Variants in ODF2 observed in about 807,000 individuals in gnomAD.
ODF2 encodes the protein outer dense fiber of sperm tails 2, also known as outer dense fiber protein 2.
Under a neutral mutation model 110.2 loss-of-function variants are expected in ODF2, and 47 were observed. The observed-to-expected ratio is 0.43, with a 90% CI of 0.34 to 0.54. ODF2 has a LOEUF of 0.54. Among genes scored for constraint, ODF2 ranks in the 20% least tolerant of loss-of-function variants. The pLI is 0.03. For synonymous variants in ODF2, 352 were observed against 397.7 expected, an observed-to-expected ratio of 0.89 and a Z score of 1.37; for missense variants, 812 against 1,054.5, an observed-to-expected ratio of 0.77 and a Z score of 3.19.
At chr9:128,495,100 C>CT (rs1845362621) in intron 17 of ODF2, among the ~76,000 whole-genome samples, 1 of 152,258 alleles carries the variant, frequency 6.6e-6, no homozygotes, top group Admixed American at 6.5e-5. Context: ...GCAAGCATCC[C>CT]TTTCTCCCAG....
chr9:128,467,127 A>G (rs532252761), intron 4 of ODF2, among the ~76,000 whole-genome samples: 1 of 142,624 alleles, frequency 7.0e-6, no homozygotes, highest in East Asian at 2.1e-4. Context: ...TCATTGTGCA[A>G]ACATCATGGA....
chr9:128,483,078 T>C (rs912472283), intron 10 of ODF2, among the ~76,000 whole-genome samples, 191 bp downstream of exon 10: 4 of 152,086 alleles, frequency 2.6e-5, no homozygotes, highest in African/African-American at 9.7e-5. Context: ...GTATTTTTAG[T>C]AGAGACGGGG....
chr9:128,456,268 C>T lies in ODF2; in HGVS notation c.-209+13C>T, dbSNP rs993099123. 8 of 1,529,726 alleles carry T rather than the reference C, an allele frequency of 5.2e-6. No individual in the cohort carries two copies. In the African/African-American group the frequency reaches 8.5e-5, roughly 16 times the overall value. The allele number at this position is 1,529,726 out of a possible 1,614,324, so 94.8% of individuals were successfully genotyped here. On this transcript the variant is annotated intron_variant, in intron 1 of 20. Coordinates refer to ENST00000604420, the Ensembl canonical transcript of ODF2. ...CGTGTCGCTCCTGGTGAGAGGCCGC[C>T]GGCAGGCGGGATCCAGCGCCCTCCG... is the stretch of plus-strand genomic sequence containing the variant.
At chr9:128,464,518 GA>G (rs1837347630) in intron 4 of ODF2, among the ~76,000 whole-genome samples, 1 of 151,444 alleles carries the variant, frequency 6.6e-6, no homozygotes, top group Non-Finnish European at 1.5e-5. Flanking sequence ...TTGTTTTTTT[GA>G]GACGGAGTCT....
intron 4 of ODF2, 167 bp from the exon 5 acceptor site, chr9:128,469,016 G>T (rs890875611): frequency 3.4e-6 from 2 of 580,032 alleles, no homozygotes; most frequent in African/African-American, 3.8e-5. Flanking sequence ...ATTTAAACAT[G>T]GATAGGTAAT....
exon 7 of ODF2, chr9:128,473,042 A>T (rs4512487): frequency 6.2e-7 from 1 of 1,614,012 alleles, no homozygotes; most frequent in South Asian, 1.1e-5. Context: ...AGCTGAAAAC[A>T]GTAGGTGGCA....
chr9:128,460,116 C>G (rs1836021917), intron 3 of ODF2: 2 of 1,292,256 alleles, frequency 1.5e-6, no homozygotes, highest in African/African-American at 1.5e-5. Context: ...ATTCTGCACC[C>G]TGAGCATTTT....
intron 2 of ODF2, chr9:128,457,554 C>A: frequency 7.5e-7 from 1 of 1,325,964 alleles, no homozygotes; most frequent in Non-Finnish European, 1.0e-6. Context: ...AAAGTCTGGA[C>A]CAAAACGTTT....
At chr9:128,487,761 T>C in intron 13 of ODF2, 129 bp from the exon 14 acceptor site, 1 of 1,105,678 alleles carries the variant, frequency 9.0e-7, no homozygotes, top group East Asian at 2.7e-5. Context: ...CACTCCAGCC[T>C]AGGTGACAGA....
chr9:128,483,853 T>C, intron 10 of ODF2, 85 bp from the exon 11 acceptor site: 1 of 953,416 alleles, frequency 1.0e-6, no homozygotes, highest in East Asian at 2.4e-5. Flanking sequence ...GCCACTGCAC[T>C]CCAGCCTGGG....
chr9:128,464,186 C>A (rs946384059), intron 4 of ODF2, among the ~76,000 whole-genome samples: 1 of 133,514 alleles, frequency 7.5e-6, no homozygotes, highest in African/African-American at 2.9e-5. Context: ...GACGGAGTCT[C>A]GCTCTGTCAT....
chr9:128,471,861 A>G (rs567595555), intron 6 of ODF2, among the ~76,000 whole-genome samples: 2 of 152,302 alleles, frequency 1.3e-5, no homozygotes, highest in African/African-American at 2.4e-5. Context: ...AATGGAAGGC[A>G]GGCCAGAGTG....
At chr9:128,476,587 CCT>C (rs1841319250) in intron 8 of ODF2, among the ~76,000 whole-genome samples, 1 of 151,822 alleles carries the variant, frequency 6.6e-6, no homozygotes, top group Non-Finnish European at 1.5e-5. Context: ...CACACCAAGC[CCT>C]GTTTTTTTGT....
chr9:128,494,720 A>G lies in ODF2; in HGVS notation c.1911+52A>G, dbSNP rs1845287008. On this transcript the variant is annotated intron_variant, in intron 17 of 20. Coordinates refer to ENST00000604420, the Ensembl canonical transcript of ODF2. The surrounding 1 kb of genome is among the most constrained non-coding windows in gnomAD (Gnocchi z 4.6). ...CGAACTGACCCGAGCAGGGGCCCGCATACCAAGATGAGCTGCACGCCCCCC... is the reference window on the plus strand; with the variant it reads ...CGAACTGACCCGAGCAGGGGCCCGCGTACCAAGATGAGCTGCACGCCCCCC... The G allele has an allele frequency of 6.2e-7, 1 of 1,614,102 alleles. No individual in the cohort carries two copies. Among genetic ancestry groups the G allele is most frequent in the Middle Eastern group, 1.7e-4 (1 of 5,992 alleles).
chr9:128,482,496 C>G (rs1842586818), intron 9 of ODF2, among the ~76,000 whole-genome samples: 1 of 151,814 alleles, frequency 6.6e-6, no homozygotes, highest in East Asian at 1.9e-4. Context: ...CGGTGCTGAG[C>G]ATATGAGTTT....
At position 128,485,313 on chromosome 9, in the gene ODF2, C is replaced by A; in HGVS notation, c.1291-52C>A. On this transcript the variant is annotated intron_variant, in intron 12 of 20. Transcript: ENST00000604420. The surrounding 1 kb of genome is among the most constrained non-coding windows in gnomAD (Gnocchi z 5.0). ...GGATGAGCCCGCTCCCAGCTCCTGGCAGCCTCACCACTGACACTAGGCTAA... is the reference window on the plus strand; with the variant it reads ...GGATGAGCCCGCTCCCAGCTCCTGGAAGCCTCACCACTGACACTAGGCTAA... The A allele has an allele frequency of 2.1e-6, 2 of 958,144 alleles. No homozygotes were observed. The highest frequency in any genetic ancestry group is 2.0e-5 in the Admixed American group (1 of 49,664). 59.4% of individuals were successfully genotyped at this position (958,144 alleles called of 1,614,324 possible).
At chr9:128,455,953 G>T, upstream of ODF2, 2 of 1,406,696 alleles carry the variant, frequency 1.4e-6, no homozygotes, top group Non-Finnish European at 1.8e-6. Context: ...CGCTGGACGC[G>T]TAGCACGTCT....
intron 20 of ODF2, 23 bp from the exon 21 acceptor site, chr9:128,500,044 C>A: frequency 6.2e-7 from 1 of 1,613,888 alleles, no homozygotes. Context: ...ACAGCGGGCC[C>A]ATGCTCTGTT....
Position 128,456,187 on chromosome 9 carries a change from C to A in ODF2, c.-277C>A, listed in dbSNP as rs941083637. On this transcript the variant is annotated 5_prime_UTR_variant, in exon 1 of 21. Transcript: ENST00000604420. ...TGCATCCGCCGCGGCGTCTCCATGGCACGACCCTGGCCTCCGACTTCAACG... is the reference window on the plus strand; with the variant it reads ...TGCATCCGCCGCGGCGTCTCCATGGAACGACCCTGGCCTCCGACTTCAACG... 1.9e-6 allele frequency: 3 copies of A among 1,549,374 alleles called. No individual in the cohort carries two copies. In the African/African-American group the frequency reaches 4.1e-5, roughly 21 times the overall value.
Sources: gnomAD v4.1 joint callset for allele counts (sites outside exome capture counted in the v4.1 genomes callset) on GRCh38, gnomAD v4.1.1 for gene constraint, Gnocchi (gnomAD v3.1) non-coding constraint, MANE v1.5 for transcripts, NCBI Gene and HGNC (gene_info 2026-07-23, HGNC 2026-07-21) for gene names.